ME3: variants seen among roughly 807,000 people sequenced by gnomAD.
ME3 encodes the protein malic enzyme 3.
In ME3, 48 loss-of-function variants were observed where a neutral mutation model predicts 68.9. The observed-to-expected ratio is 0.70, with a 90% CI of 0.55 to 0.89. ME3 has a LOEUF of 0.89. Among genes scored for constraint, ME3 ranks in the 40% least tolerant of loss-of-function variants. The probability of loss-of-function intolerance (pLI) is 0.00; values close to 1 mark genes in which losing one functional copy is unlikely to be tolerated. For synonymous variants in ME3, 320 were observed against 318.8 expected (o/e 1.00, Z -0.04); for missense variants, 675 against 797.4 (o/e 0.85, Z 1.85).
At chr11:86,492,793 C>T (rs1348165015) in intron 6 of ME3, among the ~76,000 whole-genome samples, 1 of 152,224 alleles carries the variant, frequency 6.6e-6, no homozygotes, top group Admixed American at 6.5e-5. Flanking sequence ...TGGTTTCCTC[C>T]TCTTCACTGC....
chr11:86,602,112 G>A (rs1203044601), intron 2 of ME3, among the ~76,000 whole-genome samples: 8 of 150,810 alleles, frequency 5.3e-5, no homozygotes, highest in African/African-American at 1.5e-4. Context: ...AGGGCAATTA[G>A]GCAGGAGAAG....
chr11:86,599,091 G>A (rs1190469325), intron 2 of ME3, among the ~76,000 whole-genome samples: 2 of 152,252 alleles, frequency 1.3e-5, no homozygotes, highest in African/African-American at 4.8e-5. Context: ...GCGGAACAAA[G>A]CTGGACGGAG....
chr11:86,570,597 A>G (rs950081568), intron 2 of ME3, among the ~76,000 whole-genome samples: 1 of 152,162 alleles, frequency 6.6e-6, no homozygotes, highest in Non-Finnish European at 1.5e-5. Context: ...TCCCAGACAT[A>G]TTTCTGTGAT....
intron 2 of ME3, among the ~76,000 whole-genome samples, chr11:86,670,678 T>C (rs137965112): frequency 2.0e-5 from 3 of 152,336 alleles, no homozygotes; most frequent in African/African-American, 7.2e-5. Context: ...TCACATTATA[T>C]AGTTGTTCCT....
intron 11 of ME3, 93 bp downstream of exon 11, chr11:86,448,057 G>C: frequency 1.2e-6 from 1 of 843,058 alleles, no homozygotes; most frequent in East Asian, 2.5e-5. Context: ...GTTTCCATGG[G>C]TTACTTAGGC....
chr11:86,475,487 C>T lies in ME3; in HGVS notation c.810-10287G>A, dbSNP rs551146526. Among the ~76,000 whole-genome samples, 16 of 152,166 alleles carry T rather than the reference C, an allele frequency of 1.1e-4. No homozygotes were observed. The South Asian group carries it at 2.7e-3, about 26-fold the overall frequency. On this transcript the variant is annotated intron_variant, in intron 7 of 14. Coordinates refer to ENST00000543262, the Ensembl canonical transcript of ME3. ...CCCAGTCTCAGGTATTTCTTTATAA[C>T]AATGTGAGAAGGAACTAATATATTT...
At chr11:86,669,605 A>G (rs1472193287) in intron 2 of ME3, among the ~76,000 whole-genome samples, 1 of 152,196 alleles carries the variant, frequency 6.6e-6, no homozygotes, top group Non-Finnish European at 1.5e-5. Context: ...AACAGCATGC[A>G]GGGGAACCAC....
chr11:86,533,701 G>A (rs1211479069), intron 4 of ME3, among the ~76,000 whole-genome samples: 2 of 152,122 alleles, frequency 1.3e-5, no homozygotes, highest in Non-Finnish European at 2.9e-5. Context: ...GAAGACTACA[G>A]GCTAATATCC....
chr11:86,591,470 G>C (rs965058727), intron 2 of ME3, among the ~76,000 whole-genome samples: 1 of 152,216 alleles, frequency 6.6e-6, no homozygotes, highest in Non-Finnish European at 1.5e-5. Flanking sequence ...AGACAACACA[G>C]ACAGAGGGAC....
intron 2 of ME3, among the ~76,000 whole-genome samples, chr11:86,637,509 C>T (rs1944410322): frequency 6.6e-6 from 1 of 152,090 alleles, no homozygotes; most frequent in Non-Finnish European, 1.5e-5. Context: ...CTAAGAGAAG[C>T]AAGGGAGTAG....
At position 86,671,961 on chromosome 11, in the gene ME3, G is replaced by A. The variant is rs1345301964; in HGVS notation, c.-14-3C>T. ...GGCACCCATGGTCCTTGGCAGACCTGGCACGGGAGAGAAAGCAAGGTCAGG... is the reference window on the plus strand; with the variant it reads ...GGCACCCATGGTCCTTGGCAGACCTAGCACGGGAGAGAAAGCAAGGTCAGG... On this transcript the variant is annotated splice_region_variant and splice_polypyrimidine_tract_variant and intron_variant, in intron 1 of 14. Transcript: ENST00000543262. 3 of 1,394,320 alleles carry A rather than the reference G, an allele frequency of 2.2e-6. No individual in the cohort carries two copies. Among genetic ancestry groups the A allele is most frequent in the Non-Finnish European group, 2.8e-6 (3 of 1,080,996 alleles). The allele number at this position is 1,394,320 out of a possible 1,614,324, so 86.4% of individuals were successfully genotyped here. A position where few individuals can be genotyped will look rare whatever the true frequency, so the allele number is the denominator to read the frequency against.
intron 3 of ME3, among the ~76,000 whole-genome samples, chr11:86,559,134 C>G (rs1436330258): frequency 2.0e-5 from 3 of 152,188 alleles, no homozygotes; most frequent in South Asian, 2.1e-4. Flanking sequence ...CTCTTTATGT[C>G]TGGATCCCCA....
intron 2 of ME3, among the ~76,000 whole-genome samples, chr11:86,651,708 A>C (rs1945444610): frequency 6.6e-6 from 1 of 152,258 alleles, no homozygotes; most frequent in Admixed American, 6.5e-5. Context: ...TCAAAGGAAC[A>C]CAGCTCCTCT....
intron 2 of ME3, among the ~76,000 whole-genome samples, chr11:86,655,416 C>T (rs1295504855): frequency 6.6e-6 from 1 of 152,102 alleles, no homozygotes; most frequent in Non-Finnish European, 1.5e-5. Flanking sequence ...ATCAATGGAA[C>T]AGAACAGAGC....
At chr11:86,442,743 C>G in intron 14 of ME3, 78 bp downstream of exon 14, 1 of 1,260,618 alleles carries the variant, frequency 7.9e-7, no homozygotes. Flanking sequence ...TTTCCATCCC[C>G]TTAACCCTCC....
intron 6 of ME3, among the ~76,000 whole-genome samples, chr11:86,495,113 G>T (rs1201529784): frequency 6.6e-6 from 1 of 152,168 alleles, no homozygotes; most frequent in African/African-American, 2.4e-5. Context: ...GGTGTAATGT[G>T]GGGAGAGGAG....
chr11:86,463,154 G>A (rs1950310538), intron 8 of ME3, among the ~76,000 whole-genome samples: 1 of 152,288 alleles, frequency 6.6e-6, no homozygotes, highest in South Asian at 2.1e-4. Context: ...TGCAGGGCCT[G>A]GCCGTGTTCC....
At chr11:86,585,795 T>G (rs549354671) in intron 2 of ME3, among the ~76,000 whole-genome samples, 70 of 152,192 alleles carry the variant, frequency 4.6e-4, no homozygotes, top group African/African-American at 1.7e-3. Context: ...GCTTGAGCTT[T>G]GAGAAGCTCC....
intron 2 of ME3, among the ~76,000 whole-genome samples, chr11:86,650,499 A>C (rs1945330632): frequency 2.0e-5 from 3 of 152,238 alleles, no homozygotes; most frequent in Admixed American, 2.0e-4. Flanking sequence ...AGCAAAAGAA[A>C]CTAGCATCAG....
Sources: gnomAD v4.1 joint callset for allele counts (sites outside exome capture counted in the v4.1 genomes callset) on GRCh38, gnomAD v4.1.1 for gene constraint, MANE v1.5 for transcripts, NCBI Gene and HGNC (gene_info 2026-07-23, HGNC 2026-07-21) for gene names.